The following APLP2 variants were observed in gnomAD, a reference collection of about 807,000 sequenced individuals.
APLP2 encodes CDEI box-binding protein.
A neutral mutation model predicts 89.9 loss-of-function variants in APLP2; 53 were observed. The ratio of observed to expected loss-of-function variants is 0.59; its 90% CI spans 0.47 to 0.74. The LOEUF is 0.74. APLP2 is among the 30% of genes least tolerant of loss of function. APLP2 has a pLI of 0.00. For synonymous variants in APLP2, 372 were observed against 348.6 expected, an observed-to-expected ratio of 1.07 and a Z score of -0.75; for missense variants, 973 against 975.9, an observed-to-expected ratio of 1.00 and a Z score of 0.04.
At chr11:130,111,764 A>G (rs1403791045) in intron 3 of APLP2, among the ~76,000 whole-genome samples, 2 of 152,222 alleles carry the variant, frequency 1.3e-5, no homozygotes, top group Non-Finnish European at 2.9e-5. Flanking sequence ...GTGTGGTTTA[A>G]GGACGCTTTC....
intron 12 of APLP2, 77 bp downstream of exon 12, chr11:130,133,805 G>C: frequency 8.9e-7 from 1 of 1,120,972 alleles, no homozygotes; most frequent in South Asian, 1.3e-5. Context: ...GGCAAGAGTA[G>C]AGAGAGATGA....
rs1336445079 is a variant in APLP2, at chr11:130,122,442, A to G, written c.851A>G (p.Asn284Ser). The change falls in exon 6 of 17, where the codon AAT (asparagine) becomes AGT (serine). Residue 284 changes from asparagine (N) to serine (S), a missense_variant. Asn to Ser is a conservative substitution (Grantham distance 46). Transcript: ENST00000338167. The part of the protein sequence containing the change: ...YYDTFKGDDY[N>S]EENPTEPGSD... Reference sequence around the variant, plus strand: ...GACACCTTCAAAGGAGATGACTACAATGAGGAGAATCCTACTGAACCCGGC... The same window carrying G: ...GACACCTTCAAAGGAGATGACTACAGTGAGGAGAATCCTACTGAACCCGGC... 1.9e-6 allele frequency: 3 copies of G among 1,614,184 alleles called. No individual in the cohort carries two copies. Among genetic ancestry groups the G allele is most frequent in the Non-Finnish European group, 2.5e-6 (3 of 1,180,014 alleles).
chr11:130,105,377 T>C (rs977610700), intron 1 of APLP2, among the ~76,000 whole-genome samples: 2 of 151,970 alleles, frequency 1.3e-5, no homozygotes, highest in African/African-American at 4.8e-5. Context: ...GATTGCCCCA[T>C]TGCACTCCAC....
chr11:130,128,457 G>A (rs1157344258), intron 9 of APLP2, among the ~76,000 whole-genome samples: 1 of 152,194 alleles, frequency 6.6e-6, no homozygotes, highest in Non-Finnish European at 1.5e-5. Flanking sequence ...TGATCACTTA[G>A]AAAATCTAAC....
chr11:130,097,197 T>C (rs1206789031), intron 1 of APLP2, among the ~76,000 whole-genome samples: 2 of 152,266 alleles, frequency 1.3e-5, no homozygotes, highest in African/African-American at 4.8e-5. Context: ...ATTGATTTGT[T>C]ATATCCAGAT....
intron 9 of APLP2, among the ~76,000 whole-genome samples, chr11:130,128,619 T>G (rs1950617584): frequency 6.6e-6 from 1 of 152,244 alleles, no homozygotes; most frequent in Admixed American, 6.5e-5. Flanking sequence ...CAATTACTTT[T>G]GCACTAACCT....
Position 130,129,037 on chromosome 11 carries a change from TC to T in APLP2, c.1297-10del. The T allele has an allele frequency of 1.2e-6, 2 of 1,609,504 alleles. No homozygotes were observed. The highest frequency in any genetic ancestry group is 1.1e-5 in the South Asian group (1 of 90,754). On this transcript the variant is annotated splice_polypyrimidine_tract_variant and intron_variant, in intron 9 of 16. Coordinates refer to ENST00000338167, the MANE Select transcript of APLP2 (RefSeq NM_001142276.2). Reference sequence around the variant, plus strand: ...CACAAATCATGTGTGGTTCCTGCTTTCTTGGTTTAGCACTTCCAAGCCATGG... The same window carrying T: ...CACAAATCATGTGTGGTTCCTGCTTTTTGGTTTAGCACTTCCAAGCCATGG...
At position 130,123,374 on chromosome 11, in the gene APLP2, G is replaced by A. The variant is rs1033201187; in HGVS notation, c.923-238G>A. ...CTACGTCAATCTAAACTCAGATCTA[G>A]ACTCCAGAGGGTGCCAAAAAAATAT... On this transcript the variant is annotated intron_variant, in intron 6 of 16. Transcript: ENST00000338167. This position sits in a 1 kb window ranked among gnomAD's most constrained non-coding sequence, Gnocchi z 4.0. 6.6e-6 allele frequency among the ~76,000 whole-genome samples: 1 copy of A among 152,204 alleles called. No homozygotes were observed. Among genetic ancestry groups the A allele is most frequent in the Non-Finnish European group, 1.5e-5 (1 of 68,036 alleles).
intron 3 of APLP2, 124 bp from the exon 4 acceptor site, chr11:130,120,582 T>G (rs187482990): frequency 2.8e-4 from 197 of 702,894 alleles, no homozygotes; most frequent in Non-Finnish European, 4.7e-4. Flanking sequence ...GTACGAGATG[T>G]GCATCTGCTC....
At chr11:130,098,365 G>A (rs960460550) in intron 1 of APLP2, among the ~76,000 whole-genome samples, 11 of 151,068 alleles carry the variant, frequency 7.3e-5, no homozygotes, top group Admixed American at 4.0e-4. Context: ...AGATCACACC[G>A]CTGCATTCCA....
rs1471116681 is a variant in APLP2, at chr11:130,141,314, G to GC, written c.1924-180dup. ...ATAATATAGTCTTCCCTCCATACCT[G>GC]CCCCTTCATTAGGGGTTTGGGGAGT... On this transcript the variant is annotated intron_variant, in intron 14 of 16. Coordinates refer to ENST00000338167, the MANE Select transcript of APLP2 (RefSeq NM_001142276.2). This position sits in a 1 kb window ranked among gnomAD's most constrained non-coding sequence, Gnocchi z 4.2. 4 of 601,890 alleles carry GC rather than the reference G, an allele frequency of 6.6e-6. No homozygotes were observed. Among genetic ancestry groups the GC allele is most frequent in the Non-Finnish European group, 1.2e-5 (4 of 335,986 alleles). 37.3% of individuals were successfully genotyped at this position (601,890 alleles called of 1,614,324 possible).
chr11:130,114,092 T>C (rs1370658613), intron 3 of APLP2, among the ~76,000 whole-genome samples: 1 of 152,244 alleles, frequency 6.6e-6, no homozygotes, highest in African/African-American at 2.4e-5. Context: ...AAAATCAAGA[T>C]TTTGTAGACA....
chr11:130,079,509 C>T (rs1942788064), intron 1 of APLP2, among the ~76,000 whole-genome samples: 1 of 152,038 alleles, frequency 6.6e-6, no homozygotes, highest in Admixed American at 6.6e-5. Context: ...GTCATTTGAT[C>T]TTTTTTATGC....
chr11:130,084,157 A>C (rs184513171), intron 1 of APLP2, among the ~76,000 whole-genome samples: 2,624 of 152,118 alleles, frequency 0.017, 80 homozygotes, highest in African/African-American at 0.061. Context: ...GAGGCAGGAG[A>C]ATGGCGTGAA....
At chr11:130,108,589 C>A (rs1298926274) in intron 1 of APLP2, 4 of 152,184 alleles carry the variant, frequency 2.6e-5, no homozygotes, top group South Asian at 2.1e-4. Flanking sequence ...GAAATAGGAA[C>A]ACTTTTACAC....
intron 11 of APLP2, among the ~76,000 whole-genome samples, chr11:130,132,985 T>TTC (rs1455810303): frequency 1.3e-5 from 2 of 151,956 alleles, no homozygotes; most frequent in Non-Finnish European, 2.9e-5. Context: ...AGTTCTTTTT[T>TTC]TTTTTTTTGG....
Position 130,123,533 on chromosome 11 carries a change from A to C in APLP2, c.923-79A>C. ...TCAGGCCTCCCCCAGCCCATCCCCC[A>C]GCTCGCCAGCCTGTAGCATTTTGAA... On this transcript the variant is annotated intron_variant, in intron 6 of 16. Transcript: ENST00000338167. The surrounding 1 kb of genome is among the most constrained non-coding windows in gnomAD (Gnocchi z 4.0). 6.9e-7 allele frequency: 1 copy of C among 1,458,696 alleles called. No homozygotes were observed. The highest frequency in any genetic ancestry group is 9.3e-7 in the Non-Finnish European group (1 of 1,077,702). The allele number at this position is 1,458,696 out of a possible 1,614,324, so 90.4% of individuals were successfully genotyped here. A position where few individuals can be genotyped will look rare whatever the true frequency, so the allele number is the denominator to read the frequency against.
intron 1 of APLP2, among the ~76,000 whole-genome samples, chr11:130,095,278 C>T (rs980897397): frequency 4.6e-5 from 7 of 152,048 alleles, no homozygotes; most frequent in Non-Finnish European, 7.4e-5. Flanking sequence ...AGGCTGAGGC[C>T]GGAGGATTGC....
At position 130,123,806 on chromosome 11, in the gene APLP2, T is replaced by A. The variant is rs1158586156; in HGVS notation, c.1090+27T>A. The stretch of plus-strand genomic sequence containing the variant: ...TAAGTCCTGCCTCGCGCTGGTCCCG[T>A]GCGGCAGCACCGTCCTGTCTGGCGT... On this transcript the variant is annotated intron_variant, in intron 7 of 16. Coordinates refer to ENST00000338167, the MANE Select transcript of APLP2 (RefSeq NM_001142276.2). The surrounding 1 kb of genome is among the most constrained non-coding windows in gnomAD (Gnocchi z 4.0). 2.5e-6 allele frequency: 4 copies of A among 1,609,274 alleles called. No homozygotes were observed.
Sources: allele counts gnomAD v4.1 joint callset (sites outside exome capture counted in the v4.1 genomes callset), GRCh38; gene constraint gnomAD v4.1.1; non-coding constraint Gnocchi (gnomAD v3.1); transcripts MANE v1.5; gene names NCBI Gene and HGNC (gene_info 2026-07-23, HGNC 2026-07-21).